Variants in CENPP observed in about 807,000 individuals in gnomAD.
The protein encoded by CENPP is centromere protein P.
A neutral mutation model predicts 35.6 loss-of-function variants in CENPP; 24 were observed. That is an observed-to-expected ratio of 0.67 (90% CI 0.49 to 0.95). The LOEUF is 0.95. CENPP is among the 40% of genes least tolerant of loss of function. The pLI, the probability that CENPP is intolerant of heterozygous loss-of-function variation, is 0.00. For synonymous variants in CENPP, 120 were observed against 125.5 expected, an observed-to-expected ratio of 0.96 and a Z score of 0.29; for missense variants, 332 against 345.3, an observed-to-expected ratio of 0.96 and a Z score of 0.31.
chr9:92,460,690 C>G, intron 5 of CENPP: 2 of 601,654 alleles, frequency 3.3e-6, no homozygotes, highest in Non-Finnish European at 5.8e-6. Context: ...TCTTTTTTTT[C>G]TTTGAGACAG....
intron 4 of CENPP, among the ~76,000 whole-genome samples, chr9:92,365,406 C>CTT (rs33952600): frequency 8.6e-4 from 70 of 81,484 alleles, no homozygotes; most frequent in Non-Finnish European, 1.1e-3. Context: ...TATAACTACT[C>CTT]TTTTTTTTTT....
rs1309498715 is a variant in CENPP at position 92,332,163 on chromosome 9, C to T, written c.108-7C>T. 6.4e-7 allele frequency: 1 copy of T among 1,568,740 alleles called. No individual in the cohort carries two copies. Among genetic ancestry groups the T allele is most frequent in the Non-Finnish European group, 8.6e-7 (1 of 1,160,036 alleles). On this transcript the variant is annotated splice_polypyrimidine_tract_variant and splice_region_variant and intron_variant, in intron 1 of 7. Transcript: ENST00000375587. The stretch of plus-strand genomic sequence containing the variant: ...TGGAGTGATTATTTTTGATATTTGC[C>T]TTTTAGAAAATCTTTTCAAGCCATA...
chr9:92,412,951 A>T lies in CENPP; in HGVS notation c.564+33092A>T, dbSNP rs186095397. ...TATTGGGTATATAGTTAGGAATGGA[A>T]TCGCTGGGTTATATGTAACTAAGCT... On this transcript the variant is annotated intron_variant, in intron 5 of 7. Coordinates refer to ENST00000375587, the MANE Select transcript of CENPP (RefSeq NM_001012267.3). Among the ~76,000 whole-genome samples, 171 of 142,772 alleles carry T rather than the reference A, an allele frequency of 1.2e-3. 2 individuals carry two copies. In the East Asian group the frequency reaches 0.032, roughly 27 times the overall value. The allele number at this position is 142,772 out of a possible 152,430, so 93.7% of individuals were successfully genotyped here.
intron 5 of CENPP, among the ~76,000 whole-genome samples, chr9:92,549,835 C>T (rs1030919007): frequency 2.6e-5 from 4 of 152,136 alleles, no homozygotes; most frequent in African/African-American, 9.7e-5. Context: ...GAGCAGTTCT[C>T]TTACTCCCTG....
intron 5 of CENPP, among the ~76,000 whole-genome samples, chr9:92,396,224 C>G (rs1338892868): frequency 6.6e-6 from 1 of 152,178 alleles, no homozygotes; most frequent in Admixed American, 6.5e-5. Flanking sequence ...CCCACTTTAA[C>G]ATTTTTATGC....
chr9:92,602,873 C>T (rs949046299), intron 5 of CENPP, among the ~76,000 whole-genome samples: 30 of 151,926 alleles, frequency 2.0e-4, no homozygotes, highest in African/African-American at 6.3e-4. Context: ...TCACTGCAAC[C>T]TCTGACTCCC....
intron 5 of CENPP, among the ~76,000 whole-genome samples, chr9:92,505,932 T>G (rs959961126): frequency 6.6e-6 from 1 of 152,060 alleles, no homozygotes; most frequent in African/African-American, 2.4e-5. Context: ...ATCATTGAAA[T>G]GCTAGGTGCT....
intron 5 of CENPP, chr9:92,514,725 G>A (rs764782321): frequency 1.2e-6 from 2 of 1,607,874 alleles, no homozygotes; most frequent in Admixed American, 3.3e-5. Flanking sequence ...AGGACAGAGA[G>A]CACCCGCTTG....
chr9:92,387,495 G>A (rs1267457942), intron 5 of CENPP, among the ~76,000 whole-genome samples: 1 of 152,090 alleles, frequency 6.6e-6, no homozygotes, highest in African/African-American at 2.4e-5. Context: ...TTCATGATCA[G>A]TAACCCATTA....
chr9:92,581,206 A>G (rs538163762), intron 5 of CENPP, among the ~76,000 whole-genome samples: 1 of 152,232 alleles, frequency 6.6e-6, no homozygotes, highest in Admixed American at 6.5e-5. Context: ...GATACTTACT[A>G]CTTTAGCAGA....
At chr9:92,497,710 C>T (rs1846430634) in intron 5 of CENPP, among the ~76,000 whole-genome samples, 1 of 151,444 alleles carries the variant, frequency 6.6e-6, no homozygotes, top group Non-Finnish European at 1.5e-5. Context: ...TTTGACCCCT[C>T]CAAATCTCAT....
chr9:92,556,416 G>A (rs564576825), intron 5 of CENPP, among the ~76,000 whole-genome samples: 17 of 152,150 alleles, frequency 1.1e-4, no homozygotes, highest in Admixed American at 5.2e-4. Flanking sequence ...TTTGTTCCAA[G>A]GTATTGTAAC....
chr9:92,350,382 A>G (rs1002084864), intron 4 of CENPP, among the ~76,000 whole-genome samples: 1 of 152,260 alleles, frequency 6.6e-6, no homozygotes, highest in Non-Finnish European at 1.5e-5. Flanking sequence ...TTCTTTCTAT[A>G]TGGAAAACTC....
rs1323320823 is a variant in CENPP at position 92,570,392 on chromosome 9, A to T, written c.565-40922A>T. Among the ~76,000 whole-genome samples the T allele has an allele frequency of 2.6e-5, 4 of 152,224 alleles. No homozygotes were observed. The East Asian group carries it at 5.8e-4, about 22-fold the overall frequency. On this transcript the variant is annotated intron_variant, in intron 5 of 7. Transcript: ENST00000375587. ...TGCTGGATTACATTTATTGATTTGC[A>T]TATGTTGAACCAGCCTTGCATCCCA...
intron 5 of CENPP, chr9:92,456,861 C>G (rs897846861): frequency 2.8e-6 from 2 of 720,146 alleles, no homozygotes; most frequent in Non-Finnish European, 1.7e-6. Flanking sequence ...GTAATGCACT[C>G]TTCACATTAC....
intron 4 of CENPP, among the ~76,000 whole-genome samples, chr9:92,349,085 A>T (rs1029045490): frequency 6.6e-6 from 1 of 152,194 alleles, no homozygotes; most frequent in African/African-American, 2.4e-5. Flanking sequence ...AATGACACAT[A>T]TGTTAGACTA....
chr9:92,609,320 G>T (rs568080632), intron 5 of CENPP, among the ~76,000 whole-genome samples: 6 of 152,350 alleles, frequency 3.9e-5, no homozygotes, highest in African/African-American at 1.4e-4. Flanking sequence ...TAAAAGCTTT[G>T]TCATGCCATT....
At position 92,406,276 on chromosome 9, in the gene CENPP, A is replaced by T. The variant is rs186739178; in HGVS notation, c.564+26417A>T. Reference sequence around the variant, plus strand: ...AGAAGAAGTCAGGGGGATGGACCATATTAAGAGATGCGACTAGACAGGGGG... The same window carrying T: ...AGAAGAAGTCAGGGGGATGGACCATTTTAAGAGATGCGACTAGACAGGGGG... On this transcript the variant is annotated intron_variant, in intron 5 of 7. Coordinates refer to ENST00000375587, the MANE Select transcript of CENPP (RefSeq NM_001012267.3). Among the ~76,000 whole-genome samples, 119 of 152,284 alleles carry T rather than the reference A, an allele frequency of 7.8e-4. 1 individual carries two copies. Among genetic ancestry groups the T allele is most frequent in the Non-Finnish European group, 6.5e-4 (44 of 68,022 alleles).
chr9:92,534,176 C>G (rs992181565), intron 5 of CENPP, among the ~76,000 whole-genome samples: 29 of 152,178 alleles, frequency 1.9e-4, no homozygotes, highest in African/African-American at 5.5e-4. Flanking sequence ...GAGTGTCTGT[C>G]CCACCAGGAG....
Sources: gnomAD v4.1 joint callset for allele counts (sites outside exome capture counted in the v4.1 genomes callset) on GRCh38, gnomAD v4.1.1 for gene constraint, MANE v1.5 for transcripts, NCBI Gene and HGNC (gene_info 2026-07-23, HGNC 2026-07-21) for gene names.